POLRMT: variants seen among roughly 807,000 people sequenced by gnomAD.
POLRMT encodes RNA polymerase mitochondrial.
Under a neutral mutation model 132.2 loss-of-function variants are expected in POLRMT, and 114 were observed. The ratio of observed to expected loss-of-function variants is 0.86; its 90% CI spans 0.74 to 1.01. The LOEUF is 1.01. POLRMT is among the 50% of genes least tolerant of loss of function. The pLI, the probability that POLRMT is intolerant of heterozygous loss-of-function variation, is 0.00. For synonymous variants in POLRMT, 1,020 were observed against 773.4 expected (o/e 1.32, Z -5.29); for missense variants, 2,003 against 1,729.1 (o/e 1.16, Z -2.81).
At position 621,274 on chromosome 19, in the gene POLRMT, G is replaced by C; in HGVS notation, c.2424C>G (p.Pro808=). Residue 808 remains proline, a synonymous_variant, in exon 10 of 21, where the codon CCC becomes CCG. Transcript: ENST00000588649. ...HNMDFRGRTY[P]CPPHFNHLGS... ...CCAGGTGGTTGAAGTGCGGCGGGCA[G>C]GGGTAGGTGCGGCCGCGGAAGTCCA... is the stretch of plus-strand genomic sequence containing the variant. The C allele has an allele frequency of 6.2e-7, 1 of 1,607,258 alleles. No individual in the cohort carries two copies. The highest frequency in any genetic ancestry group is 2.2e-5 in the East Asian group (1 of 44,738).
rs774470658 is a variant in POLRMT, at chr19:621,262, G to T, written c.2436C>A (p.His812Gln). 7.5e-6 allele frequency: 12 copies of T among 1,608,350 alleles called. No individual in the cohort carries two copies. In the South Asian group the frequency reaches 1.3e-4, roughly 18 times the overall value. Residue 812 changes from histidine (H) to glutamine (Q), a missense_variant, in exon 10 of 21, where the codon CAC becomes CAA. Coordinates refer to ENST00000588649, the MANE Select transcript of POLRMT (RefSeq NM_005035.4). ...FRGRTYPCPP[H>Q]FNHLGSDVAR... is the part of the protein sequence containing the mutation. Reference sequence around the variant, plus strand: ...CCACGTCGCTGCCCAGGTGGTTGAAGTGCGGCGGGCAGGGGTAGGTGCGGC... The same window carrying T: ...CCACGTCGCTGCCCAGGTGGTTGAATTGCGGCGGGCAGGGGTAGGTGCGGC...
At chr19:631,391 G>A (rs1432389524) in intron 2 of POLRMT, among the ~76,000 whole-genome samples, 9 of 149,704 alleles carry the variant, frequency 6.0e-5, no homozygotes, top group South Asian at 4.2e-4. Flanking sequence ...TGTAATCCCA[G>A]CACTTTAGGA....
chr19:619,119 C>G lies in POLRMT; in HGVS notation c.3154-9G>C. On this transcript the variant is annotated splice_polypyrimidine_tract_variant and intron_variant, in intron 14 of 20. Coordinates refer to ENST00000588649, the MANE Select transcript of POLRMT (RefSeq NM_005035.4). ...CTCTCGGTCAGCCAGTGCTGTGGGA[C>G]ACAGGCCGTCTCAGGGCAGGGGGCT... The G allele has an allele frequency of 6.2e-7, 1 of 1,611,598 alleles. No homozygotes were observed. The highest frequency in any genetic ancestry group is 8.5e-7 in the Non-Finnish European group (1 of 1,179,190).
chr19:617,583 G>C lies in POLRMT; in HGVS notation c.3568C>G (p.Arg1190Gly), dbSNP rs745935945. The change falls in exon 19 of 21, where the codon CGG (arginine) becomes GGG (glycine). Residue 1190 changes from arginine to glycine, a missense_variant. Arg to Gly is a moderately radical substitution (Grantham distance 125, BLOSUM62 -2). Coordinates refer to ENST00000588649, the MANE Select transcript of POLRMT (RefSeq NM_005035.4). Reference protein sequence around the residue: ...LQDLSRFLVKRFCSEPQKILE... With the variant: ...LQDLSRFLVKGFCSEPQKILE... ...GGAGCGCCTTACTCAGAGCAGAACC[G>C]CTTGACCAGGAATCTGGACAGGTCC... The C allele has an allele frequency of 3.1e-6, 5 of 1,611,988 alleles. No individual in the cohort carries two copies. Among genetic ancestry groups the C allele is most frequent in the Non-Finnish European group, 3.4e-6 (4 of 1,179,974 alleles).
Position 621,724 on chromosome 19 carries a change from C to T in POLRMT, c.1974G>A (p.Pro658=), listed in dbSNP as rs535888719. 14 of 1,596,728 alleles carry T rather than the reference C, an allele frequency of 8.8e-6. No individual in the cohort carries two copies. The East Asian group carries it at 1.6e-4, about 18-fold the overall frequency. Residue 658 remains proline, a synonymous_variant, in exon 10 of 21, where the codon CCG becomes CCA. Coordinates refer to ENST00000588649, the MANE Select transcript of POLRMT (RefSeq NM_005035.4). The stretch of plus-strand genomic sequence containing the variant: ...GGCTGAGCAGGAAAGCACCAGAGTG[C>T]GGCGATGTCCAGGGCAGCGGGGGGC... The part of the protein sequence containing the change: ...MLCPPLPWTS[P]HSGAFLLSPT...
chr19:632,075 G>A (rs1282602095), intron 2 of POLRMT, among the ~76,000 whole-genome samples: 3 of 149,114 alleles, frequency 2.0e-5, no homozygotes, highest in Non-Finnish European at 4.5e-5. Context: ...ACCAGGCCTC[G>A]GACCCTTGAC....
In POLRMT at chr19:618,274, G is replaced by A. The variant is rs975034530; in HGVS notation, c.3422+214C>T. 111 of 567,890 alleles carry A rather than the reference G, an allele frequency of 2.0e-4. 1 individual carries two copies. Among genetic ancestry groups the A allele is most frequent in the East Asian group, 1.3e-3 (46 of 34,878 alleles). 35.2% of individuals were successfully genotyped at this position (567,890 alleles called of 1,614,324 possible). On this transcript the variant is annotated intron_variant, in intron 17 of 20. Coordinates refer to ENST00000588649, the MANE Select transcript of POLRMT (RefSeq NM_005035.4). ...GCAGGAAGGGGCAGCGCCCATGCTCGGCTCTCCCTGTCGGGCCACAGGAGG... is the reference window on the plus strand; with the variant it reads ...GCAGGAAGGGGCAGCGCCCATGCTCAGCTCTCCCTGTCGGGCCACAGGAGG...
intron 1 of POLRMT, chr19:633,222 G>A (rs1312337286): frequency 7.6e-6 from 5 of 658,864 alleles, no homozygotes; most frequent in Middle Eastern, 4.1e-4. Context: ...GGCTGCATAA[G>A]AAACCACGAG....
In POLRMT at chr19:622,377, T is replaced by C; in HGVS notation, c.1627-4A>G. On this transcript the variant is annotated splice_polypyrimidine_tract_variant and splice_region_variant and intron_variant, in intron 8 of 20. Coordinates refer to ENST00000588649, the MANE Select transcript of POLRMT (RefSeq NM_005035.4). ...GCGGCAGGCAGGGCTCGGGCACCTG[T>C]AGGACAGGGCGGTCAGGGCGCTGGG... The C allele has an allele frequency of 1.3e-6, 2 of 1,545,622 alleles. No homozygotes were observed. Among genetic ancestry groups the C allele is most frequent in the Non-Finnish European group, 1.7e-6 (2 of 1,146,202 alleles).
intron 2 of POLRMT, among the ~76,000 whole-genome samples, chr19:630,425 C>T (rs1985331753): frequency 6.6e-6 from 1 of 152,210 alleles, no homozygotes; most frequent in Non-Finnish European, 1.5e-5. Context: ...CCGAAACCTG[C>T]AGCACCACGT....
chr19:621,226 C>A lies in POLRMT; in HGVS notation c.2472G>T (p.Leu824=), dbSNP rs1399069256. The A allele has an allele frequency of 1.9e-6, 3 of 1,609,458 alleles. No individual in the cohort carries two copies. Among genetic ancestry groups the A allele is most frequent in the South Asian group, 1.1e-5 (1 of 90,910 alleles). ...GCGGGCGGCCCTGGGCGAACTCCAG[C>A]AGGGCCCGCGCCACGTCGCTGCCCA... The part of the protein sequence containing the change: ...NHLGSDVARA[L]LEFAQGRPLG... The change falls in exon 10 of 21, where the codon CTG becomes CTT. Residue 824 remains leucine (L), a synonymous_variant. Transcript: ENST00000588649.
rs1202655339 is a variant in POLRMT, at chr19:621,253, G to C, written c.2445C>G (p.His815Gln). The C allele has an allele frequency of 6.2e-7, 1 of 1,608,696 alleles. No homozygotes were observed. Among genetic ancestry groups the C allele is most frequent in the South Asian group, 1.1e-5 (1 of 90,888 alleles). The change falls in exon 10 of 21, where the codon CAC (histidine) becomes CAG (glutamine). Residue 815 changes from histidine to glutamine, a missense_variant. Physicochemically the swap from His to Gln is conservative, Grantham distance 24. Transcript: ENST00000588649. Reference protein sequence around the residue: ...RTYPCPPHFNHLGSDVARALL... With the variant: ...RTYPCPPHFNQLGSDVARALL... The stretch of plus-strand genomic sequence containing the variant: ...GGGCCCGCGCCACGTCGCTGCCCAG[G>C]TGGTTGAAGTGCGGCGGGCAGGGGT...
chr19:621,074 G>A lies in POLRMT; in HGVS notation c.2624C>T (p.Ala875Val), dbSNP rs767856533. 1.4e-5 allele frequency: 22 copies of A among 1,607,234 alleles called. 1 individual carries two copies. Among genetic ancestry groups the A allele is most frequent in the East Asian group, 9.0e-5 (4 of 44,528 alleles). The change falls in exon 10 of 21, where the codon GCG becomes GTG. Residue 875 changes from alanine to valine, a missense_variant. Coordinates refer to ENST00000588649, the MANE Select transcript of POLRMT (RefSeq NM_005035.4). ...CGCCCCTACCGTCAAGGGTTGGTCC[G>A]CGGAGTCCAGGATGTCATCCATCAC... ...EEVMDDILDSADQPLTGRKWW... is the reference protein window; with the variant it reads ...EEVMDDILDSVDQPLTGRKWW...
In POLRMT at chr19:618,692, GC is replaced by G. The variant is rs1249041142; in HGVS notation, c.3323+12del. 1 of 1,599,506 alleles carries G rather than the reference GC, an allele frequency of 6.3e-7. No individual in the cohort carries two copies. Among genetic ancestry groups the G allele is most frequent in the South Asian group, 1.1e-5 (1 of 90,220 alleles). On this transcript the variant is annotated intron_variant, in intron 16 of 20. Transcript: ENST00000588649. ...GACCCCCGGCCAGGCCCCAGCCCGG[GC>G]CCCCCACTCACCGGCTGATGTCTCC...
At position 618,510 on chromosome 19, in the gene POLRMT, G is replaced by A. The variant is rs957512134; in HGVS notation, c.3400C>T (p.Leu1134Phe). The change falls in exon 17 of 21, where the codon CTC (leucine) becomes TTC (phenylalanine). Residue 1134 changes from leucine (L) to phenylalanine (F), a missense_variant. By Grantham distance (22) the Leu-to-Phe change is conservative (BLOSUM62 0). Transcript: ENST00000588649. ...IHSLDSSHMM[L>F]TALHCYRKGL... ...CACCTGTAGCAGTGCAGGGCGGTGA[G>A]CATCATGTGGGAGGAGTCCAGCGAG... The A allele has an allele frequency of 1.2e-6, 2 of 1,612,370 alleles. No individual in the cohort carries two copies. Among genetic ancestry groups the A allele is most frequent in the Non-Finnish European group, 1.7e-6 (2 of 1,178,946 alleles).
chr19:629,873 C>T lies in POLRMT; in HGVS notation c.489G>A (p.Glu163=), dbSNP rs1175122215. 3.1e-6 allele frequency: 5 copies of T among 1,610,576 alleles called. No individual in the cohort carries two copies. The highest frequency in any genetic ancestry group is 1.3e-5 in the African/African-American group (1 of 74,824). The change falls in exon 3 of 21, where the codon GAG becomes GAA. Residue 163 remains glutamate (E), a synonymous_variant. Coordinates refer to ENST00000588649, the MANE Select transcript of POLRMT (RefSeq NM_005035.4). ...FKALTRRLQV[E]PRLLSKQMAG... ...CCATCTGCTTGCTCAGGAGCCGGGG[C>T]TCCACCTGCAGGCGCCTGGTCAGCG...
In POLRMT at chr19:624,810, G is replaced by A. The variant is rs1337026889; in HGVS notation, c.1049C>T (p.Ala350Val). ...GAAGGTGGGCTTCACCTTGTGCACGGCCTTCAGAACAGTGGCCCGATCCTC... is the reference window on the plus strand; with the variant it reads ...GAAGGTGGGCTTCACCTTGTGCACGACCTTCAGAACAGTGGCCCGATCCTC... ...SEEDRATVLK[A>V]VHKVKPTFSL... Residue 350 changes from alanine to valine, a missense_variant, in exon 5 of 21, where the codon GCC (alanine) becomes GTC (valine). Physicochemically the swap from Ala to Val is moderately conservative, Grantham distance 64. Coordinates refer to ENST00000588649, the MANE Select transcript of POLRMT (RefSeq NM_005035.4). 7 of 1,613,338 alleles carry A rather than the reference G, an allele frequency of 4.3e-6. No homozygotes were observed. Among genetic ancestry groups the A allele is most frequent in the Non-Finnish European group, 5.9e-6 (7 of 1,180,024 alleles).
rs1441802846 is a variant in POLRMT, at chr19:630,080, A to C, written c.282T>G (p.Cys94Trp). Residue 94 changes from cysteine (C) to tryptophan (W), a missense_variant, in exon 3 of 21, where the codon TGT becomes TGG. Cys to Trp is a radical substitution (Grantham distance 215). Coordinates refer to ENST00000588649, the MANE Select transcript of POLRMT (RefSeq NM_005035.4). ...GCTGGAGGCTACCATCTCCACTGCC[A>C]CATTCTGGGAGCCGCGCCACATCCA... ...NRVDVARLPE[C>W]GSGDGSLQPP... The C allele has an allele frequency of 1.2e-6, 2 of 1,613,708 alleles. No individual in the cohort carries two copies. The highest frequency in any genetic ancestry group is 8.5e-7 in the Non-Finnish European group (1 of 1,179,966).
At position 620,193 on chromosome 19, in the gene POLRMT, T is replaced by C. The variant is rs141039595; in HGVS notation, c.2764-113A>G. 49 of 1,479,990 alleles carry C rather than the reference T, an allele frequency of 3.3e-5. 1 individual carries two copies. The African/African-American group carries it at 6.0e-4, about 18-fold the overall frequency. The allele number at this position is 1,479,990 out of a possible 1,614,324, so 91.7% of individuals were successfully genotyped here. A position where few individuals can be genotyped will look rare whatever the true frequency, so the allele number is the denominator to read the frequency against. Reference sequence around the variant, plus strand: ...TAGGGCCGTGCACCCCCCAGCCAAGTGCACCGGAGCCCCCGCACGCTCCCG... The same window carrying C: ...TAGGGCCGTGCACCCCCCAGCCAAGCGCACCGGAGCCCCCGCACGCTCCCG... On this transcript the variant is annotated intron_variant, in intron 11 of 20. Transcript: ENST00000588649.
Sources: allele counts gnomAD v4.1 joint callset (sites outside exome capture counted in the v4.1 genomes callset), GRCh38; gene constraint gnomAD v4.1.1; transcripts MANE v1.5; gene names NCBI Gene and HGNC (gene_info 2026-07-23, HGNC 2026-07-21).